FGF12: variants seen among roughly 807,000 people sequenced by gnomAD.
The protein encoded by FGF12 is fibroblast growth factor 12B.
In FGF12, 14 loss-of-function variants were observed where a neutral mutation model predicts 23.6. The observed-to-expected ratio is 0.59, with a 90% CI of 0.39 to 0.93. FGF12 has a LOEUF of 0.93. Among genes scored for constraint, FGF12 ranks in the 40% least tolerant of loss-of-function variants. The pLI is 0.00. For synonymous variants in FGF12, 62 were observed against 77.3 expected (o/e 0.80, Z 1.04); for missense variants, 175 against 217.8 (o/e 0.80, Z 1.24).
At chr3:192,525,783 C>A (rs1264663880) in intron 2 of FGF12, among the ~76,000 whole-genome samples, 1 of 152,024 alleles carries the variant, frequency 6.6e-6, no homozygotes, top group Non-Finnish European at 1.5e-5. Flanking sequence ...TTTTTCTTTT[C>A]TATTTTTTTT....
At chr3:192,429,224 A>C (rs904934407) in intron 2 of FGF12, among the ~76,000 whole-genome samples, 1 of 152,182 alleles carries the variant, frequency 6.6e-6, no homozygotes, top group Non-Finnish European at 1.5e-5. Context: ...CTTGTTTATA[A>C]CAGCCCTCGC....
At chr3:192,641,997 G>A (rs1715823710) in intron 2 of FGF12, among the ~76,000 whole-genome samples, 1 of 152,166 alleles carries the variant, frequency 6.6e-6, no homozygotes, top group South Asian at 2.1e-4. Context: ...GTTGATGTGT[G>A]TCTGCAAACA....
chr3:192,429,669 C>A (rs1372693393), intron 2 of FGF12, among the ~76,000 whole-genome samples: 1 of 152,082 alleles, frequency 6.6e-6, no homozygotes, highest in Non-Finnish European at 1.5e-5. Flanking sequence ...TGTGTTTAAA[C>A]CACAATGTAT....
At chr3:192,339,518 C>A (rs1415130031) in intron 3 of FGF12, among the ~76,000 whole-genome samples, 2 of 152,148 alleles carry the variant, frequency 1.3e-5, no homozygotes, top group African/African-American at 2.4e-5. Flanking sequence ...CTGCTGTAAC[C>A]GGCTTCACAG....
chr3:192,414,917 C>A (rs1207373772), intron 2 of FGF12, among the ~76,000 whole-genome samples: 2 of 152,104 alleles, frequency 1.3e-5, no homozygotes, highest in Non-Finnish European at 2.9e-5. Context: ...GAGGAAGCTA[C>A]TCCTGGTTTT....
rs1458649924 is a variant in FGF12, at chr3:192,408,297, G to C, written c.14-47759C>G. 2 of 1,464,816 alleles carry C rather than the reference G, an allele frequency of 1.4e-6. No individual in the cohort carries two copies. The highest frequency in any genetic ancestry group is 2.5e-5 in the East Asian group (1 of 40,752). 90.7% of individuals were successfully genotyped at this position (1,464,816 alleles called of 1,614,324 possible). On this transcript the variant is annotated intron_variant, in intron 2 of 5. Transcript: ENST00000445105. The surrounding 1 kb of genome is among the most constrained non-coding windows in gnomAD (Gnocchi z 7.3). ...CTTGCGCTCCGCCGGGGCGAGGGCA[G>C]GACCTGGGCGGCCAGGGAAAGGGCA...
chr3:192,268,287 C>G (rs1713205909), intron 4 of FGF12, among the ~76,000 whole-genome samples: 2 of 152,132 alleles, frequency 1.3e-5, no homozygotes, highest in African/African-American at 4.8e-5. Flanking sequence ...AGCATCTACT[C>G]CATCTGGGGA....
intron 4 of FGF12, among the ~76,000 whole-genome samples, chr3:192,298,028 C>T (rs1284165002): frequency 1.3e-5 from 2 of 152,168 alleles, no homozygotes; most frequent in African/African-American, 2.4e-5. Flanking sequence ...AGACCATTAG[C>T]GCTGTGGTGG....
At position 192,657,515 on chromosome 3, in the gene FGF12, A is replaced by G. The variant is rs907254291; in HGVS notation, c.13+69666T>C. ...GGAGAGGGGAGGGAGGTGAGAAGGA[A>G]GAAGAGCTGAGACTATACAAGCTTC... On this transcript the variant is annotated intron_variant, in intron 2 of 5. Coordinates refer to ENST00000445105, the MANE Select transcript of FGF12 (RefSeq NM_004113.6). Among the ~76,000 whole-genome samples, 5 of 152,026 alleles carry G rather than the reference A, an allele frequency of 3.3e-5. No homozygotes were observed. In the South Asian group the frequency reaches 1.0e-3, roughly 32 times the overall value.
chr3:192,623,635 T>G (rs976038722), intron 2 of FGF12, among the ~76,000 whole-genome samples: 2 of 152,218 alleles, frequency 1.3e-5, no homozygotes, highest in African/African-American at 4.8e-5. Flanking sequence ...ATTAGTTTCT[T>G]TCATACGTTT....
At chr3:192,682,887 A>G (rs559127936) in intron 2 of FGF12, among the ~76,000 whole-genome samples, 2 of 152,302 alleles carry the variant, frequency 1.3e-5, no homozygotes, top group Admixed American at 1.3e-4. Flanking sequence ...ATAAAACCCT[A>G]ATAAAAACTC....
At chr3:192,489,197 T>C (rs1009321498) in intron 2 of FGF12, among the ~76,000 whole-genome samples, 2 of 152,044 alleles carry the variant, frequency 1.3e-5, no homozygotes, top group Non-Finnish European at 2.9e-5. Flanking sequence ...ATCATTATTA[T>C]CACAATAATA....
At chr3:192,654,885 C>G (rs1421174998) in intron 2 of FGF12, among the ~76,000 whole-genome samples, 1 of 151,860 alleles carries the variant, frequency 6.6e-6, no homozygotes, top group Non-Finnish European at 1.5e-5. Context: ...CCACTTCTGA[C>G]AGATCAGTGT....
chr3:192,261,270 G>A (rs1427780897), intron 4 of FGF12, among the ~76,000 whole-genome samples: 1 of 152,100 alleles, frequency 6.6e-6, no homozygotes. Context: ...GTTGGCCATG[G>A]CCGAGGGTTT....
At chr3:192,621,165 C>T (rs1220065157) in intron 2 of FGF12, among the ~76,000 whole-genome samples, 1 of 152,106 alleles carries the variant, frequency 6.6e-6, no homozygotes, top group East Asian at 1.9e-4. Flanking sequence ...GTGCGCTTTT[C>T]CCTCACCTTT....
chr3:192,317,482 G>A (rs76470978), intron 4 of FGF12, among the ~76,000 whole-genome samples: 1,952 of 152,198 alleles, frequency 0.013, 45 homozygotes, highest in African/African-American at 0.044. Flanking sequence ...GTGGCCACAG[G>A]AAGAGACTCT....
chr3:192,648,552 G>A (rs9291030), intron 2 of FGF12, among the ~76,000 whole-genome samples: 86,350 of 151,054 alleles, frequency 0.57, 24,985 homozygotes, highest in East Asian at 0.67. Context: ...TTTAACAAAA[G>A]CAAATTGTTT....
At chr3:192,293,843 G>A (rs1360361831) in intron 4 of FGF12, among the ~76,000 whole-genome samples, 1 of 152,150 alleles carries the variant, frequency 6.6e-6, no homozygotes, top group Non-Finnish European at 1.5e-5. Flanking sequence ...AGTTCCAGAG[G>A]ATGGGAAGTC....
chr3:192,223,691 T>C (rs68014357), intron 4 of FGF12, among the ~76,000 whole-genome samples: 10,610 of 152,186 alleles, frequency 0.07, 389 homozygotes, highest in South Asian at 0.082. Context: ...ATTACAGGTA[T>C]ATGCAGAATG....
Sources: gnomAD v4.1 joint callset for allele counts (sites outside exome capture counted in the v4.1 genomes callset) on GRCh38, gnomAD v4.1.1 for gene constraint, Gnocchi (gnomAD v3.1) non-coding constraint, MANE v1.5 for transcripts, NCBI Gene and HGNC (gene_info 2026-07-23, HGNC 2026-07-21) for gene names.